KIAA0825: variants seen among roughly 807,000 people sequenced by gnomAD.
KIAA0825 encodes the protein uncharacterized protein KIAA0825.
A neutral mutation model predicts 147.6 loss-of-function variants in KIAA0825; 119 were observed. That is an observed-to-expected ratio of 0.81 (90% CI 0.69 to 0.94). KIAA0825 has a LOEUF of 0.94. KIAA0825 is among the 40% of genes least tolerant of loss of function. The probability of loss-of-function intolerance (pLI) is 0.00; values close to 1 mark genes in which losing one functional copy is unlikely to be tolerated. For missense variants in KIAA0825, 1,381 were observed against 1,472.7 expected (o/e 0.94, Z 1.02); for synonymous variants, 470 against 518.1 (o/e 0.91, Z 1.26).
At chr5:94,292,390 T>A (rs930089982) in intron 20 of KIAA0825, among the ~76,000 whole-genome samples, 1 of 152,200 alleles carries the variant, frequency 6.6e-6, no homozygotes. Flanking sequence ...ATTGGTTCTG[T>A]TTATGTGATG....
chr5:94,507,720 C>T (rs186025432), intron 5 of KIAA0825, among the ~76,000 whole-genome samples: 2 of 149,178 alleles, frequency 1.3e-5, no homozygotes, highest in Admixed American at 1.3e-4. Flanking sequence ...AGCCTAAGAT[C>T]TAATGCTCAC....
chr5:94,337,388 T>A (rs1781923979), intron 20 of KIAA0825, among the ~76,000 whole-genome samples: 1 of 152,214 alleles, frequency 6.6e-6, no homozygotes, highest in African/African-American at 2.4e-5. Flanking sequence ...TAAATGTGTA[T>A]AATTCTTCCT....
rs770231908 is a variant in KIAA0825 at position 94,484,770 on chromosome 5, T to G, written c.1131A>C (p.Ser377=). The change falls in exon 6 of 21, where the codon TCA becomes TCC. Residue 377 remains serine, a splice_region_variant and synonymous_variant. Coordinates refer to ENST00000682413, the MANE Select transcript of KIAA0825 (RefSeq NM_001145678.3). The stretch of plus-strand genomic sequence containing the variant: ...AATTTAAACAAAAGAGGATATTACC[T>G]GAAGTATCCCTGGTTATCTTGAGTG... ...LLSLKITRDT[S]GILEKSDREV... is the part of the protein sequence containing the mutation. The G allele has an allele frequency of 2.0e-6, 3 of 1,477,302 alleles. No homozygotes were observed. The South Asian group carries it at 4.1e-5, about 20-fold the overall frequency. The allele number at this position is 1,477,302 out of a possible 1,614,324, so 91.5% of individuals were successfully genotyped here.
At chr5:94,213,617 G>A (rs772981341) in intron 20 of KIAA0825, among the ~76,000 whole-genome samples, 2 of 152,104 alleles carry the variant, frequency 1.3e-5, no homozygotes, top group African/African-American at 4.8e-5. Context: ...TTAGCCCTTC[G>A]ACTTTGACTT....
chr5:94,297,887 C>T (rs1778208244), intron 20 of KIAA0825, among the ~76,000 whole-genome samples: 1 of 151,162 alleles, frequency 6.6e-6, no homozygotes, highest in African/African-American at 2.4e-5. Flanking sequence ...TGAGCCACCA[C>T]ACCCAGCGTC....
chr5:94,581,385 G>C (rs1241640518), intron 2 of KIAA0825, among the ~76,000 whole-genome samples: 1 of 152,150 alleles, frequency 6.6e-6, no homozygotes, highest in Non-Finnish European at 1.5e-5. Flanking sequence ...TTCCACTTCT[G>C]TATGACCTAT....
Position 94,468,749 on chromosome 5 carries a change from T to G in KIAA0825, c.1872+1212A>C, listed in dbSNP as rs950413037. Among the ~76,000 whole-genome samples the G allele has an allele frequency of 3.9e-5, 6 of 152,084 alleles. No homozygotes were observed. In the South Asian group the frequency reaches 1.2e-3, roughly 32 times the overall value. On this transcript the variant is annotated intron_variant, in intron 10 of 20. Transcript: ENST00000682413. ...TAAATCAAACCACAGGAACCTTCAG[T>G]GCCTGCGAGGTGACAGGAGCGATTC...
chr5:94,593,722 T>C, intron 1 of KIAA0825: 1 of 381,770 alleles, frequency 2.6e-6, no homozygotes, highest in South Asian at 2.5e-5. Flanking sequence ...TTTGGATAAC[T>C]ATAAACAATT....
chr5:94,228,026 A>G (rs1207045693), intron 20 of KIAA0825, among the ~76,000 whole-genome samples: 2 of 152,234 alleles, frequency 1.3e-5, no homozygotes, highest in South Asian at 2.1e-4. Context: ...GAGAGAAACT[A>G]GAAGAAAAAA....
intron 20 of KIAA0825, among the ~76,000 whole-genome samples, chr5:94,232,532 CT>C (rs34278956): frequency 1 from 151,687 of 152,118 alleles, 75,630 homozygotes; most frequent in Middle Eastern, 1. Context: ...CTTGGGTTTA[CT>C]TTTTTTATGG....
chr5:94,613,478 C>A (rs1174808253), intron 1 of KIAA0825, among the ~76,000 whole-genome samples: 1 of 152,226 alleles, frequency 6.6e-6, no homozygotes, highest in Non-Finnish European at 1.5e-5. Flanking sequence ...GGATTACAGG[C>A]ATGAGTCACT....
chr5:94,587,709 T>C lies in KIAA0825; in HGVS notation c.-152-5126A>G, dbSNP rs370221790. Reference sequence around the variant, plus strand: ...GGGAAAAACTACTTTAAATTTCATATGGAACCAAAAATGGGCCCACATAGC... The same window carrying C: ...GGGAAAAACTACTTTAAATTTCATACGGAACCAAAAATGGGCCCACATAGC... On this transcript the variant is annotated intron_variant, in intron 1 of 20. Coordinates refer to ENST00000682413, the MANE Select transcript of KIAA0825 (RefSeq NM_001145678.3). 1.5e-4 allele frequency among the ~76,000 whole-genome samples: 23 copies of C among 152,344 alleles called. No homozygotes were observed. The South Asian group carries it at 4.6e-3, about 30-fold the overall frequency.
chr5:94,376,886 C>G (rs1452964187), intron 20 of KIAA0825, among the ~76,000 whole-genome samples: 3 of 152,130 alleles, frequency 2.0e-5, no homozygotes, highest in African/African-American at 7.2e-5. Context: ...TCTCCATAAC[C>G]AGGCCGCCTG....
intron 13 of KIAA0825, among the ~76,000 whole-genome samples, chr5:94,446,747 C>A (rs1466149801): frequency 1.3e-5 from 2 of 152,140 alleles, no homozygotes; most frequent in African/African-American, 4.8e-5. Context: ...GAAGGTAAGC[C>A]ATAAGTATGC....
intron 14 of KIAA0825, among the ~76,000 whole-genome samples, chr5:94,435,125 C>CT (rs1330395717): frequency 6.8e-6 from 1 of 148,026 alleles, no homozygotes; most frequent in African/African-American, 2.5e-5. Flanking sequence ...ATTTTTTTTT[C>CT]TTTTTTTTTA....
intron 20 of KIAA0825, among the ~76,000 whole-genome samples, chr5:94,215,189 A>G (rs1466043505): frequency 6.6e-6 from 1 of 152,222 alleles, no homozygotes; most frequent in Non-Finnish European, 1.5e-5. Flanking sequence ...AAAAATGGCA[A>G]TCAAGAGAAG....
intron 20 of KIAA0825, among the ~76,000 whole-genome samples, chr5:94,299,651 A>C (rs1778297022): frequency 6.6e-6 from 1 of 152,202 alleles, no homozygotes; most frequent in Non-Finnish European, 1.5e-5. Context: ...CCTAATGTGA[A>C]TTTTAACACC....
intron 20 of KIAA0825, among the ~76,000 whole-genome samples, chr5:94,176,766 AG>A (rs1186897431): frequency 6.6e-6 from 1 of 152,200 alleles, no homozygotes; most frequent in African/African-American, 2.4e-5. Context: ...ACCAGTAAAA[AG>A]TACCAAGTTT....
intron 1 of KIAA0825, among the ~76,000 whole-genome samples, chr5:94,589,458 G>C (rs1314457546): frequency 6.6e-6 from 1 of 152,184 alleles, no homozygotes; most frequent in Non-Finnish European, 1.5e-5. Context: ...AACAAAGAGA[G>C]TTAGGAATTT....
Sources: allele counts gnomAD v4.1 joint callset (sites outside exome capture counted in the v4.1 genomes callset), GRCh38; gene constraint gnomAD v4.1.1; transcripts MANE v1.5; gene names NCBI Gene and HGNC (gene_info 2026-07-23, HGNC 2026-07-21).